HCRTR2: variants seen among roughly 807,000 people sequenced by gnomAD.
HCRTR2 encodes orexin receptor type 2.
HCRTR2 carries 22 observed loss-of-function variants against 49.0 expected under a neutral mutation model. The ratio of observed to expected loss-of-function variants is 0.45; its 90% CI spans 0.32 to 0.64. HCRTR2 has a LOEUF of 0.64. Ranked by LOEUF, HCRTR2 falls within the 30% of genes least tolerant of loss-of-function variation. The pLI, the probability that HCRTR2 is intolerant of heterozygous loss-of-function variation, is 0.04. For synonymous variants in HCRTR2, 236 were observed against 205.3 expected (o/e 1.15, Z -1.28); for missense variants, 491 against 559.4 (o/e 0.88, Z 1.23).
At chr6:55,152,258 T>C (rs4129199) in intron 1 of HCRTR2, among the ~76,000 whole-genome samples, 3,620 of 152,148 alleles carry the variant, frequency 0.024, 63 homozygotes, top group Middle Eastern at 0.058. Flanking sequence ...GTTTTTTTAA[T>C]AGTAGCCATC....
At position 55,197,255 on chromosome 6, in the gene HCRTR2, C is replaced by T. The variant is rs1765433465; in HGVS notation, c.223+22445C>T. 2.0e-5 allele frequency among the ~76,000 whole-genome samples: 3 copies of T among 152,082 alleles called. 1 individual carries two copies. The highest frequency in any genetic ancestry group is 2.9e-5 in the Non-Finnish European group (2 of 68,032). On this transcript the variant is annotated intron_variant, in intron 1 of 6. Transcript: ENST00000370862. ...TTCTAACTCTAATCCTAACCATAAC[C>T]TCAAATCTAACTCTGATTCCAATTG...
In HCRTR2 at chr6:55,117,869, TGTTTTTTTTTCTG is replaced by T. The variant is rs1233883991; in HGVS notation, c.-378+11325_-378+11337del. Among the ~76,000 whole-genome samples, 4 of 130,420 alleles carry T rather than the reference TGTTTTTTTTTCTG, an allele frequency of 3.1e-5. No homozygotes were observed. In the East Asian group the frequency reaches 1.6e-3, roughly 52 times the overall value. 85.6% of individuals were successfully genotyped at this position (130,420 alleles called of 152,430 possible). On this transcript the variant is annotated intron_variant, in intron 1 of 7. Transcript: ENST00000615358. Reference sequence around the variant, plus strand: ...TTTTTACTTCCCTCCACAGACTGTTTGTTTTTTTTTCTGTTTTTCCTTTATTTAACTTTTATTT... The same window carrying T: ...TTTTTACTTCCCTCCACAGACTGTTTTTTTTCCTTTATTTAACTTTTATTT...
chr6:55,161,749 C>T (rs1764808688), intron 1 of HCRTR2, among the ~76,000 whole-genome samples: 1 of 152,064 alleles, frequency 6.6e-6, no homozygotes, highest in African/African-American at 2.4e-5. Context: ...TGGATAAATT[C>T]CTGGACACAT....
chr6:55,142,990 T>TGATA (rs61535568), intron 1 of HCRTR2, among the ~76,000 whole-genome samples: 89,719 of 138,380 alleles, frequency 0.65, 27,689 homozygotes, highest in East Asian at 0.89. Context: ...AGATGATAGA[T>TGATA]GATAGATAGA....
chr6:55,251,189 C>T (rs1200810881), intron 2 of HCRTR2, among the ~76,000 whole-genome samples: 1 of 152,044 alleles, frequency 6.6e-6, no homozygotes. Context: ...ACATCATGCC[C>T]AGCCACATTT....
intron 1 of HCRTR2, among the ~76,000 whole-genome samples, chr6:55,109,355 G>A (rs1442873026): frequency 1.3e-5 from 2 of 152,064 alleles, no homozygotes; most frequent in Non-Finnish European, 2.9e-5. Context: ...ACCAGCAATT[G>A]ATTTAAACCA....
At chr6:55,171,555 A>G (rs1426238937), upstream of HCRTR2, among the ~76,000 whole-genome samples, 1 of 152,214 alleles carries the variant, frequency 6.6e-6, no homozygotes, top group Non-Finnish European at 1.5e-5. Context: ...TGCACTTGCA[A>G]AAAAGAAAAC....
intron 1 of HCRTR2, among the ~76,000 whole-genome samples, chr6:55,148,260 G>A (rs754194183): frequency 9.2e-5 from 14 of 152,008 alleles, no homozygotes; most frequent in Non-Finnish European, 2.1e-4. Flanking sequence ...GTGTGTGTGT[G>A]TGTTTCTACT....
chr6:55,280,357 G>A lies in HCRTR2; in HGVS notation c.1018G>A (p.Glu340Lys). 6.2e-7 allele frequency: 1 copy of A among 1,611,986 alleles called. No individual in the cohort carries two copies. Among genetic ancestry groups the A allele is most frequent in the Non-Finnish European group, 8.5e-7 (1 of 1,178,106 alleles). ...GATGTTTGCCCATACTGAAGACAGA[G>A]AGACTGTGTATGCCTGGTTTACCTT... ...FGMFAHTEDR[E>K]TVYAWFTFSH... is the part of the protein sequence containing the mutation. The change falls in exon 6 of 7, where the codon GAG becomes AAG. Residue 340 changes from glutamate (E) to lysine (K), a missense_variant. By Grantham distance (56) the Glu-to-Lys change is moderately conservative. Transcript: ENST00000370862.
At chr6:55,190,146 A>C (rs1271910742) in intron 1 of HCRTR2, among the ~76,000 whole-genome samples, 5 of 152,206 alleles carry the variant, frequency 3.3e-5, no homozygotes, top group South Asian at 2.1e-4. Context: ...ATGTGACAAG[A>C]CCTTTTTGCC....
Position 55,151,411 on chromosome 6 carries a change from G to A in HCRTR2, c.-377-22800G>A, listed in dbSNP as rs149756967. 5.6e-4 allele frequency among the ~76,000 whole-genome samples: 85 copies of A among 152,084 alleles called. 1 individual carries two copies. The highest frequency in any genetic ancestry group is 1.9e-3 in the African/African-American group (78 of 41,538). ...GGTGTTCACAGCATCTTTACTAAAA[G>A]TATATTCCATCTTAAGAAACCACTT... On this transcript the variant is annotated intron_variant, in intron 1 of 7. Transcript: ENST00000615358.
rs1562031425 is a variant in HCRTR2, at chr6:55,277,389, A to G, written c.772A>G (p.Thr258Ala). The G allele has an allele frequency of 1.2e-6, 2 of 1,613,444 alleles. No homozygotes were observed. The highest frequency in any genetic ancestry group is 2.2e-5 in the South Asian group (2 of 91,064). ...TCTCTTCTCCTTTCAGATCCCTGGA[A>G]CATCATCTGTAGTTCAGAGAAAATG... ...RKLWCRQIPGTSSVVQRKWKP... is the reference protein window; with the variant it reads ...RKLWCRQIPGASSVVQRKWKP... Residue 258 changes from threonine to alanine, a missense_variant, in exon 5 of 7, where the codon ACA becomes GCA. Transcript: ENST00000370862.
At chr6:55,218,888 A>G (rs974951136) in intron 1 of HCRTR2, among the ~76,000 whole-genome samples, 3 of 152,144 alleles carry the variant, frequency 2.0e-5, no homozygotes, top group Non-Finnish European at 2.9e-5. Context: ...CAATGGTACA[A>G]TCTCAGCTCA....
chr6:55,168,773 G>T (rs1358837034), intron 1 of HCRTR2, among the ~76,000 whole-genome samples: 1 of 151,858 alleles, frequency 6.6e-6, no homozygotes, highest in Non-Finnish European at 1.5e-5. Context: ...GTCTCACTAA[G>T]TTGCCCAACC....
chr6:55,275,142 A>C (rs537557040), intron 4 of HCRTR2, among the ~76,000 whole-genome samples: 1 of 152,294 alleles, frequency 6.6e-6, no homozygotes, highest in African/African-American at 2.4e-5. Flanking sequence ...AACATTTTTT[A>C]AGACAGAGTA....
intron 1 of HCRTR2, among the ~76,000 whole-genome samples, chr6:55,158,172 TG>T (rs1344297392): frequency 6.6e-6 from 1 of 152,112 alleles, no homozygotes; most frequent in East Asian, 1.9e-4. Context: ...CAAAGCTGGA[TG>T]GGGTGTCACC....
intron 1 of HCRTR2, among the ~76,000 whole-genome samples, chr6:55,205,317 A>T (rs1028501741): frequency 6.6e-6 from 1 of 152,216 alleles, no homozygotes; most frequent in Non-Finnish European, 1.5e-5. Flanking sequence ...ACTATCATAA[A>T]TTTTGAAAAG....
chr6:55,119,287 G>T (rs898721134), intron 1 of HCRTR2, among the ~76,000 whole-genome samples: 9 of 151,156 alleles, frequency 6.0e-5, no homozygotes, highest in Admixed American at 1.3e-4. Flanking sequence ...ATTTATGTGG[G>T]TATATACCCG....
At chr6:55,143,356 T>G (rs890157161) in intron 1 of HCRTR2, among the ~76,000 whole-genome samples, 14 of 152,186 alleles carry the variant, frequency 9.2e-5, no homozygotes, top group Non-Finnish European at 2.1e-4. Flanking sequence ...TTTGTAATTA[T>G]GTCAATACAA....
Sources: gnomAD v4.1 joint callset for allele counts (sites outside exome capture counted in the v4.1 genomes callset) on GRCh38, gnomAD v4.1.1 for gene constraint, MANE v1.5 for transcripts, NCBI Gene and HGNC (gene_info 2026-07-23, HGNC 2026-07-21) for gene names.